INSL6: variants seen among roughly 807,000 people sequenced by gnomAD.
The protein encoded by INSL6 is insulin-like peptide INSL6.
INSL6 carries 16 observed loss-of-function variants against 9.4 expected under a neutral mutation model. The ratio of observed to expected loss-of-function variants is 1.70; its 90% confidence interval spans 1.15 to 2.59. The LOEUF (loss-of-function observed/expected upper bound fraction) is 2.59. Among genes scored for constraint, INSL6 ranks in the 30% most tolerant of loss-of-function variants. The pLI, the probability that INSL6 is intolerant of heterozygous loss-of-function variation, is 0.00. For synonymous variants in INSL6, 154 were observed against 96.9 expected (o/e 1.59, Z -3.46); for missense variants, 391 against 257.3 (o/e 1.52, Z -3.56).
intron 2 of INSL6, among the ~76,000 whole-genome samples, chr9:5,143,120 A>G (rs1457956458): frequency 6.6e-6 from 1 of 152,002 alleles, no homozygotes; most frequent in Admixed American, 6.6e-5. Context: ...TTTTGTACTG[A>G]TGTTCATCAA....
chr9:5,005,413 C>A, the INSL6 span, among the ~76,000 whole-genome samples: 1 of 151,958 alleles, frequency 6.6e-6, no homozygotes, highest in Non-Finnish European at 1.5e-5. Flanking sequence ...TATAGGTTGT[C>A]CCTTCACTCT....
the INSL6 span, among the ~76,000 whole-genome samples, chr9:5,090,206 T>TA: frequency 2.0e-5 from 3 of 152,242 alleles, no homozygotes; most frequent in Non-Finnish European, 4.4e-5. Context: ...CAGTTTATTT[T>TA]GGTTTGCCTG....
the INSL6 span, chr9:5,112,244 G>A: frequency 1.5e-5 from 4 of 259,330 alleles, no homozygotes; most frequent in African/African-American, 6.9e-5. Flanking sequence ...GGTTGGAGGC[G>A]AACACCCTGA....
At chr9:5,033,733 G>A in the INSL6 span, among the ~76,000 whole-genome samples, 1 of 152,178 alleles carries the variant, frequency 6.6e-6, no homozygotes. Context: ...AAGAGCTCCT[G>A]AAGGAAGCAC....
At chr9:5,135,671 G>A (rs913324786) in intron 2 of INSL6, among the ~76,000 whole-genome samples, 1 of 152,054 alleles carries the variant, frequency 6.6e-6, no homozygotes, top group African/African-American at 2.4e-5. Context: ...GAGAAAGCAG[G>A]AAAGAGCTAA....
At chr9:5,038,117 T>G in the INSL6 span, among the ~76,000 whole-genome samples, 1 of 152,218 alleles carries the variant, frequency 6.6e-6, no homozygotes, top group African/African-American at 2.4e-5. Context: ...GTTCTTCTTT[T>G]GTTAAATATT....
the INSL6 span, chr9:5,072,652 T>G: frequency 1.3e-6 from 2 of 1,538,606 alleles, no homozygotes; most frequent in Non-Finnish European, 8.8e-7. Flanking sequence ...ATATTGTTCA[T>G]GTAGTTTATG....
At chr9:5,150,124 G>C (rs1824682373) in intron 2 of INSL6, among the ~76,000 whole-genome samples, 2 of 152,174 alleles carry the variant, frequency 1.3e-5, no homozygotes, top group African/African-American at 4.8e-5. Flanking sequence ...TTAAATGTCA[G>C]AACTGAAACT....
the INSL6 span, among the ~76,000 whole-genome samples, chr9:5,063,525 C>T: frequency 6.6e-6 from 1 of 152,102 alleles, no homozygotes; most frequent in Admixed American, 6.5e-5. Context: ...TTTTCTAAAT[C>T]TCATGTTTGC....
chr9:5,003,598 TG>T, the INSL6 span, among the ~76,000 whole-genome samples: 1 of 152,094 alleles, frequency 6.6e-6, no homozygotes, highest in African/African-American at 2.4e-5. Flanking sequence ...ATTCACTCAG[TG>T]ATTGGTAGAT....
chr9:5,144,493 T>C (rs1382175621), intron 2 of INSL6, among the ~76,000 whole-genome samples: 1 of 151,596 alleles, frequency 6.6e-6, no homozygotes, highest in Non-Finnish European at 1.5e-5. Context: ...GGGGTATCTA[T>C]GAGGATCCAT....
chr9:5,068,995 CCTTT>C, the INSL6 span: 1 of 1,338,206 alleles, frequency 7.5e-7, no homozygotes, highest in Non-Finnish European at 1.0e-6. Flanking sequence ...ACTATCCCTC[CCTTT>C]CTTTATAATT....
chr9:5,103,104 T>G, the INSL6 span, among the ~76,000 whole-genome samples: 2 of 150,372 alleles, frequency 1.3e-5, no homozygotes, highest in Admixed American at 1.3e-4. Flanking sequence ...ACTGGCAAAT[T>G]GGATAAAGAT....
At chr9:5,163,759 A>G (rs1824979003), downstream of INSL6, 2 of 598,578 alleles carry the variant, frequency 3.3e-6, no homozygotes, top group Non-Finnish European at 5.9e-6. Flanking sequence ...AGAAAATACT[A>G]AGATACCTAT....
chr9:5,183,677 T>C (rs1307392354), intron 1 of INSL6, among the ~76,000 whole-genome samples: 1 of 151,964 alleles, frequency 6.6e-6, no homozygotes, highest in Non-Finnish European at 1.5e-5. Flanking sequence ...GAAAGCACAG[T>C]ATTTGATGTG....
At chr9:5,069,295 G>GAT in the INSL6 span, 1 of 817,758 alleles carries the variant, frequency 1.2e-6, no homozygotes, top group African/African-American at 1.8e-5. Flanking sequence ...GATTTCAAAG[G>GAT]ATATATGAAA....
At chr9:5,131,422 C>A (rs1824279059) in intron 3 of INSL6, among the ~76,000 whole-genome samples, 1 of 141,486 alleles carries the variant, frequency 7.1e-6, no homozygotes, top group Non-Finnish European at 1.5e-5. Flanking sequence ...TTCTTTAACA[C>A]CACCAGTTAA....
chr9:5,065,159 A>C, the INSL6 span: 2 of 554,410 alleles, frequency 3.6e-6, no homozygotes, highest in Non-Finnish European at 5.8e-6. Context: ...GTTTTTTTTA[A>C]ACAAAAGGCT....
At chr9:5,021,960 C>T in the INSL6 span, 1 of 1,534,904 alleles carries the variant, frequency 6.5e-7, no homozygotes, top group East Asian at 2.3e-5. Flanking sequence ...TTTTCTCTTA[C>T]AGGCAAATGT....
Sources: gnomAD v4.1 joint callset for allele counts (sites outside exome capture counted in the v4.1 genomes callset) on GRCh38, gnomAD v4.1.1 for gene constraint, MANE v1.5 for transcripts, NCBI Gene and HGNC (gene_info 2026-07-23, HGNC 2026-07-21) for gene names.